The following TSHZ3 variants were observed in gnomAD, a reference collection of about 807,000 sequenced individuals.
TSHZ3 encodes the protein teashirt homolog 3.
A neutral mutation model predicts 64.5 loss-of-function variants in TSHZ3; 10 were observed. The ratio of observed to expected loss-of-function variants is 0.16; its 90% CI spans 0.10 to 0.26. TSHZ3 has a LOEUF of 0.26. Ranked by LOEUF, TSHZ3 falls within the 10% of genes least tolerant of loss-of-function variation. The pLI, the probability that TSHZ3 is intolerant of heterozygous loss-of-function variation, is 1.00. For missense variants in TSHZ3, 1,242 were observed against 1,421.7 expected, an observed-to-expected ratio of 0.87 and a Z score of 2.03; for synonymous variants, 608 against 593.1, an observed-to-expected ratio of 1.03 and a Z score of -0.36.
At chr19:31,267,063 G>C (rs1976062483) in intron 1 of TSHZ3, among the ~76,000 whole-genome samples, 1 of 152,210 alleles carries the variant, frequency 6.6e-6, no homozygotes, top group Non-Finnish European at 1.5e-5. Flanking sequence ...TTCACTGCGT[G>C]TTGTCATTGA....
intron 5 of TSHZ3, among the ~76,000 whole-genome samples, chr19:31,161,972 A>G (rs191167207): frequency 2.0e-5 from 3 of 152,176 alleles, no homozygotes; most frequent in African/African-American, 7.2e-5. Context: ...ATCCACCAAC[A>G]TGGGTCGTTA....
intron 1 of TSHZ3, among the ~76,000 whole-genome samples, chr19:31,312,726 T>C (rs545079335): frequency 6.6e-6 from 1 of 152,240 alleles, no homozygotes; most frequent in East Asian, 1.9e-4. Context: ...CGGTAATAAA[T>C]TACTCCCTTG....
At chr19:31,174,593 T>C (rs988697130) in intron 5 of TSHZ3, among the ~76,000 whole-genome samples, 1 of 152,222 alleles carries the variant, frequency 6.6e-6, no homozygotes, top group Non-Finnish European at 1.5e-5. Flanking sequence ...TGTGACTTTA[T>C]CTTAGTTATT....
chr19:31,231,089 C>T (rs895640124), intron 3 of TSHZ3, among the ~76,000 whole-genome samples: 2 of 151,924 alleles, frequency 1.3e-5, no homozygotes, highest in Non-Finnish European at 2.9e-5. Flanking sequence ...AATAATAATG[C>T]AGATGATAAT....
At chr19:31,330,499 T>C (rs1262262461) in intron 1 of TSHZ3, among the ~76,000 whole-genome samples, 2 of 152,210 alleles carry the variant, frequency 1.3e-5, no homozygotes, top group Non-Finnish European at 2.9e-5. Flanking sequence ...CAGCCTGGCC[T>C]GGCCTGGGTC....
chr19:31,314,600 G>C (rs547095940), intron 1 of TSHZ3, among the ~76,000 whole-genome samples: 1 of 152,174 alleles, frequency 6.6e-6, no homozygotes, highest in African/African-American at 2.4e-5. Context: ...GAATTGTTCC[G>C]AGTGCCAGAT....
At chr19:31,156,474 T>C (rs536823399) in intron 5 of TSHZ3, among the ~76,000 whole-genome samples, 1 of 152,282 alleles carries the variant, frequency 6.6e-6, no homozygotes, top group South Asian at 2.1e-4. Context: ...GCACCAGTTT[T>C]TGTCGGTCGG....
At chr19:31,272,470 C>A (rs1189955093), downstream of TSHZ3, among the ~76,000 whole-genome samples, 1 of 152,076 alleles carries the variant, frequency 6.6e-6, no homozygotes, top group African/African-American at 2.4e-5. Context: ...TTTCCTTTTG[C>A]AGAATGAAAA....
chr19:31,331,715 C>T (rs1180935380), intron 1 of TSHZ3, among the ~76,000 whole-genome samples: 1 of 152,228 alleles, frequency 6.6e-6, no homozygotes, highest in Non-Finnish European at 1.5e-5. Flanking sequence ...TTATGTTCAC[C>T]ACCTGCCACC....
intron 1 of TSHZ3, among the ~76,000 whole-genome samples, chr19:31,291,468 C>T (rs980501947): frequency 1.1e-4 from 17 of 152,148 alleles, no homozygotes; most frequent in African/African-American, 4.1e-4. Context: ...AGGAAGCTCT[C>T]CAAGATCAGA....
In TSHZ3 at chr19:31,313,527, C is replaced by T. The variant is rs141710038; in HGVS notation, c.41-33775G>A. 2.6e-3 allele frequency among the ~76,000 whole-genome samples: 397 copies of T among 152,304 alleles called. 1 individual carries two copies. The highest frequency in any genetic ancestry group is 9.3e-3 in the African/African-American group (385 of 41,570). ...TAGGGTGGCCACGCTCCTGGCACTG[C>T]GTACCACCTGCCTGTTGGGCTGCGG... On this transcript the variant is annotated intron_variant, in intron 1 of 1. Coordinates refer to ENST00000240587, the MANE Select transcript of TSHZ3 (RefSeq NM_020856.4).
chr19:31,221,887 T>C (rs1186668127), intron 4 of TSHZ3, among the ~76,000 whole-genome samples: 2 of 152,204 alleles, frequency 1.3e-5, no homozygotes, highest in East Asian at 3.9e-4. Context: ...CTGTCTTGGG[T>C]CTTGTAAGAC....
chr19:31,249,374 G>A (rs59063097), intron 1 of TSHZ3, among the ~76,000 whole-genome samples: 1,828 of 152,292 alleles, frequency 0.012, 33 homozygotes, highest in African/African-American at 0.042. Context: ...AGACTGATAT[G>A]AAGATGGTCC....
At chr19:31,331,088 T>C (rs1917077453) in intron 1 of TSHZ3, among the ~76,000 whole-genome samples, 5 of 152,092 alleles carry the variant, frequency 3.3e-5, no homozygotes, top group Admixed American at 3.3e-4. Flanking sequence ...TACCCCCTCC[T>C]TCCCTCTAAG....
rs143305127 is a variant in TSHZ3 at position 31,277,770 on chromosome 19, G to A, written c.2023C>T (p.Arg675Trp). The A allele has an allele frequency of 1.3e-4, 205 of 1,529,246 alleles. No homozygotes were observed. The highest frequency in any genetic ancestry group is 5.2e-4 in the Admixed American group (24 of 46,054). The allele number at this position is 1,529,246 out of a possible 1,614,324, so 94.7% of individuals were successfully genotyped here. The change falls in exon 2 of 2, where the codon CGG becomes TGG. Residue 675 changes from arginine (R) to tryptophan (W), a missense_variant. Physicochemically the swap from Arg to Trp is moderately radical, Grantham distance 101. Transcript: ENST00000240587. This position sits in a 1 kb window ranked among gnomAD's most constrained non-coding sequence, Gnocchi z 4.5. The stretch of plus-strand genomic sequence containing the variant: ...GGGCTCCCATCCTTGCACCCATCCC[G>A]CGGGGGGCTGGGGCTGTTCTCCTGG... Reference protein sequence around the residue: ...RSQENSPSPPRDGCKDGSPLA... With the variant: ...RSQENSPSPPWDGCKDGSPLA...
chr19:31,245,397 T>C lies in TSHZ3; in HGVS notation n.64-2522A>G, dbSNP rs144062706. On this transcript the variant is annotated intron_variant and non_coding_transcript_variant, in intron 1 of 6. Transcript: ENST00000651361. ...AGGGGGGCTATTGCTCATATGAATC[T>C]GACTAGGAAACAAGAAGCTGCTCTT... Among the ~76,000 whole-genome samples, 18 of 152,286 alleles carry C rather than the reference T, an allele frequency of 1.2e-4. No individual in the cohort carries two copies. The East Asian group carries it at 2.5e-3, about 21-fold the overall frequency.
At chr19:31,265,938 C>T (rs1053867220) in intron 1 of TSHZ3, among the ~76,000 whole-genome samples, 22 of 152,332 alleles carry the variant, frequency 1.4e-4, no homozygotes, top group Admixed American at 1.4e-3. Context: ...TCCTAGACTA[C>T]AGTCACATGA....
rs145647173 is a variant in TSHZ3 at position 31,282,400 on chromosome 19, C to A, written c.41-2648G>T. Among the ~76,000 whole-genome samples, 3 of 152,272 alleles carry A rather than the reference C, an allele frequency of 2.0e-5. No individual in the cohort carries two copies. In the East Asian group the frequency reaches 5.8e-4, roughly 29 times the overall value. Reference sequence around the variant, plus strand: ...AGAAATGGCCCCACAGCAGCCACTACGAGAGGACACCAGCAGCCAGAAGCA... The same window carrying A: ...AGAAATGGCCCCACAGCAGCCACTAAGAGAGGACACCAGCAGCCAGAAGCA... On this transcript the variant is annotated intron_variant, in intron 1 of 1. Coordinates refer to ENST00000240587, the MANE Select transcript of TSHZ3 (RefSeq NM_020856.4).
At chr19:31,272,461 T>C, downstream of TSHZ3, among the ~76,000 whole-genome samples, 1 of 152,290 alleles carries the variant, frequency 6.6e-6, no homozygotes, top group African/African-American at 2.4e-5. Context: ...TATATATTTT[T>C]TCCTTTTGCA....
Sources: allele counts gnomAD v4.1 joint callset (sites outside exome capture counted in the v4.1 genomes callset), GRCh38; gene constraint gnomAD v4.1.1; non-coding constraint Gnocchi (gnomAD v3.1); transcripts MANE v1.5; gene names NCBI Gene and HGNC (gene_info 2026-07-23, HGNC 2026-07-21).